The following NPAS2 variants were observed in gnomAD, a reference collection of about 807,000 sequenced individuals.
The protein encoded by NPAS2 is neuronal PAS domain protein 2.
NPAS2 carries 23 observed loss-of-function variants against 107.5 expected under a neutral mutation model. That is an observed-to-expected ratio of 0.21 (90% CI 0.15 to 0.30). The LOEUF is 0.30. NPAS2 is among the 10% of genes least tolerant of loss of function. The pLI is 1.00. For missense variants in NPAS2, 756 were observed against 1,043.3 expected (o/e 0.72, Z 3.79); for synonymous variants, 403 against 417.5 (o/e 0.97, Z 0.42).
At chr2:100,912,252 ATTT>A (rs1682604078) in intron 2 of NPAS2, among the ~76,000 whole-genome samples, 2 of 83,802 alleles carry the variant, frequency 2.4e-5, no homozygotes, top group South Asian at 7.4e-4. Flanking sequence ...TTATTTATTT[ATTT>A]ATTATTATTA....
chr2:100,875,877 T>C (rs1307007198), intron 1 of NPAS2, among the ~76,000 whole-genome samples: 4 of 152,068 alleles, frequency 2.6e-5, no homozygotes, highest in Admixed American at 2.6e-4. Flanking sequence ...TGGAATCAAA[T>C]ACCGCAGAAA....
At chr2:100,879,875 G>T (rs1680223405) in intron 1 of NPAS2, among the ~76,000 whole-genome samples, 1 of 152,216 alleles carries the variant, frequency 6.6e-6, no homozygotes, top group South Asian at 2.1e-4. Flanking sequence ...GTCAGCTCTG[G>T]GGTTGGCCAC....
intron 1 of NPAS2, among the ~76,000 whole-genome samples, chr2:100,865,708 A>G (rs1558820890): frequency 6.6e-6 from 1 of 152,174 alleles, no homozygotes; most frequent in Admixed American, 6.5e-5. Context: ...TGGATCTCCA[A>G]TGCACATGCA....
chr2:100,959,283 T>TAA (rs1339366630), intron 7 of NPAS2, among the ~76,000 whole-genome samples: 4 of 97,468 alleles, frequency 4.1e-5, no homozygotes, highest in Admixed American at 1.0e-4. Context: ...AAAAAAAATT[T>TAA]TTTTGCAAAG....
rs1678257132 is a variant in NPAS2 at position 100,993,443 on chromosome 2, G to A, written c.2208G>A (p.Val736=). 2 of 1,613,210 alleles carry A rather than the reference G, an allele frequency of 1.2e-6. No homozygotes were observed. The highest frequency in any genetic ancestry group is 8.5e-7 in the Non-Finnish European group (1 of 1,179,636). The part of the protein sequence containing the change: ...PMPVLLMGQA[V]LHPSFPASQP... ...CCGTCCTGCTGATGGGGCAGGCGGT[G>A]CTCCACCCCAGCTTCCCTGCCTCCC... Residue 736 remains valine, a synonymous_variant, in exon 20 of 21, where the codon GTG becomes GTA. Transcript: ENST00000335681.
intron 2 of NPAS2, among the ~76,000 whole-genome samples, chr2:100,919,961 C>G (rs776622992): frequency 6.6e-6 from 1 of 152,200 alleles, no homozygotes; most frequent in Non-Finnish European, 1.5e-5. Context: ...ATCTCTTCCT[C>G]TAGACACTGA....
intron 1 of NPAS2, among the ~76,000 whole-genome samples, chr2:100,894,500 C>G (rs1240943424): frequency 6.6e-6 from 1 of 152,172 alleles, no homozygotes; most frequent in African/African-American, 2.4e-5. Flanking sequence ...AGGAACTTCC[C>G]CTTACTACTT....
Position 100,982,236 on chromosome 2 carries a change from G to A in NPAS2, c.1488G>A (p.Ser496=), listed in dbSNP as rs749773234. The change falls in exon 16 of 21, where the codon TCG becomes TCA. Residue 496 remains serine (S), a synonymous_variant. Coordinates refer to ENST00000335681, the MANE Select transcript of NPAS2 (RefSeq NM_002518.4). ...TTTTCGGCTCCACCTTGAAGTTTTCGGCACAGTTCAGCATGTTCCAGACCA... is the reference window on the plus strand; with the variant it reads ...TTTTCGGCTCCACCTTGAAGTTTTCAGCACAGTTCAGCATGTTCCAGACCA... ...QSTPAPMAQF[S]AQFSMFQTIK... 1.2e-5 allele frequency: 19 copies of A among 1,613,874 alleles called. No homozygotes were observed. Among genetic ancestry groups the A allele is most frequent in the African/African-American group, 4.0e-5 (3 of 74,902 alleles).
intron 1 of NPAS2, among the ~76,000 whole-genome samples, chr2:100,841,288 A>G (rs982931851): frequency 6.6e-6 from 1 of 152,148 alleles, no homozygotes; most frequent in Non-Finnish European, 1.5e-5. Flanking sequence ...TACAAAAAAA[A>G]TTAGCCAGGC....
At chr2:100,836,908 G>A (rs1677106966) in intron 1 of NPAS2, among the ~76,000 whole-genome samples, 1 of 152,190 alleles carries the variant, frequency 6.6e-6, no homozygotes, top group Non-Finnish European at 1.5e-5. Flanking sequence ...TCTGTGAATT[G>A]TGAAACATGG....
chr2:100,830,016 CAA>C (rs1177657189), intron 1 of NPAS2, among the ~76,000 whole-genome samples: 1 of 152,098 alleles, frequency 6.6e-6, no homozygotes, highest in East Asian at 1.9e-4. Flanking sequence ...ACAGACCACA[CAA>C]GAAAAAGATA....
At chr2:100,849,134 T>C (rs546774931) in intron 1 of NPAS2, among the ~76,000 whole-genome samples, 1 of 152,352 alleles carries the variant, frequency 6.6e-6, no homozygotes, top group African/African-American at 2.4e-5. Flanking sequence ...ATGAGCAAGA[T>C]GCCTTTCATC....
intron 2 of NPAS2, among the ~76,000 whole-genome samples, chr2:100,911,672 C>T (rs947607782): frequency 3.3e-5 from 5 of 152,058 alleles, no homozygotes; most frequent in African/African-American, 9.7e-5. Flanking sequence ...AGCTCTGTTG[C>T]CCAGGCTGGA....
rs78858814 is a variant in NPAS2, at chr2:100,865,716, G to A, written c.-22-39017G>A. On this transcript the variant is annotated intron_variant, in intron 1 of 20. Transcript: ENST00000335681. ...TACTGACTGGATCTCCAATGCACAT[G>A]CAGGAAGTCATGCTTCCATTTAACT... is the stretch of plus-strand genomic sequence containing the variant. Among the ~76,000 whole-genome samples the A allele has an allele frequency of 4.7e-3, 711 of 152,284 alleles. 3 individuals carry two copies. Among genetic ancestry groups the A allele is most frequent in the African/African-American group, 0.016 (667 of 41,552 alleles).
chr2:100,968,174 T>G lies in NPAS2; in HGVS notation c.908-107T>G. The G allele has an allele frequency of 8.3e-7, 1 of 1,197,666 alleles. No homozygotes were observed. The highest frequency in any genetic ancestry group is 1.2e-6 in the Non-Finnish European group (1 of 832,644). The allele number at this position is 1,197,666 out of a possible 1,614,324, so 74.2% of individuals were successfully genotyped here. A position where few individuals can be genotyped will look rare whatever the true frequency, so the allele number is the denominator to read the frequency against. On this transcript the variant is annotated intron_variant, in intron 10 of 20. Transcript: ENST00000335681. The surrounding 1 kb of genome is among the most constrained non-coding windows in gnomAD (Gnocchi z 5.3). Reference sequence around the variant, plus strand: ...GGGCAACCGGGGAAACAAGCCATGTTTGGTATTGTCTTTTTTTTTGAAAGC... The same window carrying G: ...GGGCAACCGGGGAAACAAGCCATGTGTGGTATTGTCTTTTTTTTTGAAAGC...
chr2:100,990,021 T>G, intron 17 of NPAS2: 1 of 546,658 alleles, frequency 1.8e-6, no homozygotes, highest in Non-Finnish European at 3.3e-6. Context: ...GTAGTTCAGT[T>G]CAAGGCACAT....
chr2:100,978,045 T>G (rs1677140107), intron 15 of NPAS2, among the ~76,000 whole-genome samples: 1 of 152,026 alleles, frequency 6.6e-6, no homozygotes, highest in African/African-American at 2.4e-5. Flanking sequence ...AGGGAACAGG[T>G]GGTGTTTGAT....
Position 100,995,333 on chromosome 2 carries a change from C to T in NPAS2, c.2293-67C>T, listed in dbSNP as rs1421591110. ...TCAACCTGCAGCATGCCCCGCACTG[C>T]CTTGTAAGACAGTTGAGGAGCGGAC... On this transcript the variant is annotated intron_variant, in intron 20 of 20. Transcript: ENST00000335681. 3 of 1,414,534 alleles carry T rather than the reference C, an allele frequency of 2.1e-6. 1 individual carries two copies. Among genetic ancestry groups the T allele is most frequent in the Middle Eastern group, 3.7e-4 (2 of 5,436 alleles). 87.6% of individuals were successfully genotyped at this position (1,414,534 alleles called of 1,614,324 possible).
intron 1 of NPAS2, among the ~76,000 whole-genome samples, chr2:100,843,755 G>A (rs1211953172): frequency 6.6e-6 from 1 of 152,028 alleles, no homozygotes; most frequent in Non-Finnish European, 1.5e-5. Context: ...GAGATCTAAA[G>A]GATCTCTTTA....
Sources: allele counts gnomAD v4.1 joint callset (sites outside exome capture counted in the v4.1 genomes callset), GRCh38; gene constraint gnomAD v4.1.1; non-coding constraint Gnocchi (gnomAD v3.1); transcripts MANE v1.5; gene names NCBI Gene and HGNC (gene_info 2026-07-23, HGNC 2026-07-21).